FAT1: variants seen among roughly 807,000 people sequenced by gnomAD.
FAT1 encodes the protein protocadherin Fat 1.
Under a neutral mutation model 329.8 loss-of-function variants are expected in FAT1, and 171 were observed. That is an observed-to-expected ratio of 0.52 (90% CI 0.46 to 0.59). FAT1 has a LOEUF of 0.59. FAT1 is among the 20% of genes least tolerant of loss of function. The pLI is 0.00. For missense variants in FAT1, 5,672 were observed against 5,774.4 expected (o/e 0.98, Z 0.57); for synonymous variants, 2,233 against 2,228.6 (o/e 1.00, Z -0.06).
chr4:186,614,138 T>C (rs1739592313), intron 12 of FAT1, 53 bp downstream of exon 12: 2 of 1,458,980 alleles, frequency 1.4e-6, no homozygotes, highest in Admixed American at 4.9e-5. Flanking sequence ...ATCACCCACA[T>C]ATATGATACT....
intron 1 of FAT1, among the ~76,000 whole-genome samples, chr4:186,714,940 C>T (rs1427406660): frequency 6.6e-6 from 1 of 151,898 alleles, no homozygotes; most frequent in Non-Finnish European, 1.5e-5. Flanking sequence ...TAGCTGGGTG[C>T]GGTGGTGTGC....
At position 186,617,946 on chromosome 4, in the gene FAT1, T is replaced by C. The variant is rs2126489544; in HGVS notation, c.8640A>G (p.Arg2880=). The C allele has an allele frequency of 6.2e-7, 1 of 1,614,026 alleles. No individual in the cohort carries two copies. The highest frequency in any genetic ancestry group is 1.3e-5 in the African/African-American group (1 of 75,038). ...TTLKELDHEK[R]DNYQIKVVAS... is the part of the protein sequence containing the mutation. The stretch of plus-strand genomic sequence containing the variant: ...CAACCACTTTAATCTGGTAATTGTC[T>C]CTCTTTTCATGGTCAAGTTCCTTTA... Residue 2880 remains arginine (R), a synonymous_variant, in exon 10 of 27, where the codon AGA becomes AGG. Coordinates refer to ENST00000441802, the MANE Select transcript of FAT1 (RefSeq NM_005245.4).
intron 14 of FAT1, among the ~76,000 whole-genome samples, chr4:186,610,581 AATATAAATTATATAAATATAAATTT>A (rs1248940976): frequency 3.2e-4 from 47 of 145,426 alleles, no homozygotes; most frequent in African/African-American, 9.2e-4. Context: ...TTTTATTATA[AATATAAATTATATAAATATAAATTT>A]ATATAAATTA....
chr4:186,645,654 T>G (rs1741338225), intron 3 of FAT1, among the ~76,000 whole-genome samples: 2 of 150,982 alleles, frequency 1.3e-5, no homozygotes, highest in South Asian at 4.2e-4. Flanking sequence ...AAAAATAAAT[T>G]TCAACATCAG....
intron 7 of FAT1, 137 bp from the exon 8 acceptor site, chr4:186,628,900 T>C: frequency 1.3e-6 from 1 of 784,762 alleles, no homozygotes; most frequent in East Asian, 2.7e-5. Flanking sequence ...AACAAAAACC[T>C]AGAATCATAC....
chr4:186,720,227 C>T (rs1283636244), intron 1 of FAT1, among the ~76,000 whole-genome samples: 4 of 152,158 alleles, frequency 2.6e-5, no homozygotes, highest in South Asian at 4.1e-4. Context: ...TGTTTCCTGC[C>T]CTCCACTCCT....
rs981629664 is a variant in FAT1 at position 186,672,172 on chromosome 4, T to C, written c.3266-8559A>G. Among the ~76,000 whole-genome samples, 10 of 152,322 alleles carry C rather than the reference T, an allele frequency of 6.6e-5. No individual in the cohort carries two copies. The East Asian group carries it at 1.2e-3, about 18-fold the overall frequency. ...GGAAAAAAACAAGTTCTAGTACTTT[T>C]AAAAACAATGTTCTATTATGTGTGT... On this transcript the variant is annotated intron_variant, in intron 2 of 26. Transcript: ENST00000441802.
Position 186,636,188 on chromosome 4 carries a change from T to C in FAT1, c.4020A>G (p.Arg1340=). 1.2e-6 allele frequency: 2 copies of C among 1,613,860 alleles called. No individual in the cohort carries two copies. Among genetic ancestry groups the C allele is most frequent in the Non-Finnish European group, 1.7e-6 (2 of 1,179,860 alleles). Reference sequence around the variant, plus strand: ...GCTTGGAGATCCATTCAATATGGAGTCTGGTGGTTGATGACTTTTGAGGGC... The same window carrying C: ...GCTTGGAGATCCATTCAATATGGAGCCTGGTGGTTGATGACTTTTGAGGGC... ...NGRPQKSSTT[R]LHIEWISKPK... The change falls in exon 6 of 27, where the codon AGA becomes AGG. Residue 1340 remains arginine, a synonymous_variant. Coordinates refer to ENST00000441802, the MANE Select transcript of FAT1 (RefSeq NM_005245.4).
chr4:186,722,453 T>A (rs557547356), intron 1 of FAT1, among the ~76,000 whole-genome samples: 1 of 152,314 alleles, frequency 6.6e-6, no homozygotes, highest in African/African-American at 2.4e-5. Flanking sequence ...TTTTAAAAAA[T>A]TACATAGTGC....
Position 186,620,875 on chromosome 4 carries a change from G to GT in FAT1, c.5710dup (p.Thr1904AsnfsTer4). 1 of 1,614,042 alleles carries GT rather than the reference G, an allele frequency of 6.2e-7. No individual in the cohort carries two copies. The highest frequency in any genetic ancestry group is 8.5e-7 in the Non-Finnish European group (1 of 1,179,894). On this transcript the variant is annotated frameshift_variant, in exon 10 of 27. Transcript: ENST00000441802. LOFTEE classifies it high-confidence loss of function. ...TGAGAATGCACTTGAATCAGCATCTGTAGCATTTACTGTGATGACTTTTAC... is the reference window on the plus strand; with the variant it reads ...TGAGAATGCACTTGAATCAGCATCTGTTAGCATTTACTGTGATGACTTTTAC...
chr4:186,654,556 G>A (rs553777304), intron 3 of FAT1, among the ~76,000 whole-genome samples: 3 of 152,294 alleles, frequency 2.0e-5, no homozygotes, highest in African/African-American at 7.2e-5. Flanking sequence ...ACAGTGCAAT[G>A]TGCTCCACAA....
Position 186,636,868 on chromosome 4 carries a change from C to T in FAT1, c.3689G>A (p.Arg1230Lys), listed in dbSNP as rs746168456. 1.2e-6 allele frequency: 2 copies of T among 1,613,658 alleles called. No individual in the cohort carries two copies. The highest frequency in any genetic ancestry group is 1.7e-6 in the Non-Finnish European group (2 of 1,179,786). Residue 1230 changes from arginine to lysine, a missense_variant, in exon 5 of 27, where the codon AGA (arginine) becomes AAA (lysine). By Grantham distance (26) the Arg-to-Lys change is conservative. Coordinates refer to ENST00000441802, the MANE Select transcript of FAT1 (RefSeq NM_005245.4). ...TTCATCAAGGATTTTCACAATGACT[C>T]TTGCAATGGTTGATTTGGGGGGACT... is the stretch of plus-strand genomic sequence containing the variant. ...NGSPPKSTIARVIVKILDEND... is the reference protein window; with the variant it reads ...NGSPPKSTIAKVIVKILDEND...
At chr4:186,667,137 A>G (rs977202091) in intron 2 of FAT1, among the ~76,000 whole-genome samples, 1 of 152,208 alleles carries the variant, frequency 6.6e-6, no homozygotes, top group Non-Finnish European at 1.5e-5. Context: ...TCACCCTCAC[A>G]TCTGAGGTTT....
intron 14 of FAT1, among the ~76,000 whole-genome samples, chr4:186,610,628 A>T (rs984445108): frequency 1.7e-5 from 2 of 118,006 alleles, no homozygotes; most frequent in Non-Finnish European, 3.6e-5. Flanking sequence ...ATAAATATAA[A>T]TTATATAATT....
At position 186,628,285 on chromosome 4, in the gene FAT1, G is replaced by A. The variant is rs374571513; in HGVS notation, c.4679C>T (p.Pro1560Leu). The part of the protein sequence containing the change: ...VNVSDTNDHA[P>L]WFTASSYKGR... The stretch of plus-strand genomic sequence containing the variant: ...TTTGTAGGAGGAAGCGGTGAACCAC[G>A]GGGCGTGGTCATTCGTGTCGCTGAC... Residue 1560 changes from proline (P) to leucine (L), a missense_variant, in exon 9 of 27, where the codon CCG becomes CTG. Pro to Leu is a moderately conservative substitution (Grantham distance 98). Coordinates refer to ENST00000441802, the MANE Select transcript of FAT1 (RefSeq NM_005245.4). 1.2e-5 allele frequency: 19 copies of A among 1,613,606 alleles called. No individual in the cohort carries two copies. Among genetic ancestry groups the A allele is most frequent in the East Asian group, 4.5e-5 (2 of 44,876 alleles).
chr4:186,690,762 A>G (rs941777790), intron 2 of FAT1, among the ~76,000 whole-genome samples: 5 of 152,202 alleles, frequency 3.3e-5, no homozygotes, highest in African/African-American at 7.2e-5. Context: ...TGAACTCTAC[A>G]TAAGTCTCTA....
chr4:186,627,182 GAATGAGGGA>G (rs1740351581), intron 9 of FAT1, among the ~76,000 whole-genome samples: 1 of 95,732 alleles, frequency 1.0e-5, no homozygotes, highest in Non-Finnish European at 2.1e-5. Flanking sequence ...ATGAATGAAT[GAATGAGGGA>G]CCAACATGGC....
chr4:186,656,289 C>T (rs936674064), intron 3 of FAT1, among the ~76,000 whole-genome samples: 4 of 152,194 alleles, frequency 2.6e-5, no homozygotes, highest in Admixed American at 1.3e-4. Flanking sequence ...CACGGTCCTG[C>T]ACCAGTCATC....
intron 2 of FAT1, among the ~76,000 whole-genome samples, chr4:186,681,031 G>A (rs1217941730): frequency 6.6e-6 from 1 of 152,110 alleles, no homozygotes; most frequent in African/African-American, 2.4e-5. Flanking sequence ...CTTTGACCTA[G>A]GCACACATCT....
Sources: allele counts gnomAD v4.1 joint callset (sites outside exome capture counted in the v4.1 genomes callset), GRCh38; gene constraint gnomAD v4.1.1; transcripts MANE v1.5; gene names NCBI Gene and HGNC (gene_info 2026-07-23, HGNC 2026-07-21).